Variants in USP9X observed in about 807,000 individuals in gnomAD.
USP9X encodes ubiquitin specific peptidase 9 X-linked, also known as ubiquitin carboxyl-terminal hydrolase 9X.
A neutral mutation model predicts 190.3 loss-of-function variants in USP9X; 7 were observed. The ratio of observed to expected loss-of-function variants is 0.04; its 90% CI spans 0.02 to 0.07. USP9X has a LOEUF of 0.07. USP9X is among the 10% of genes least tolerant of loss of function. The pLI is 1.00. For synonymous variants in USP9X, 645 were observed against 659.5 expected (o/e 0.98, Z 0.34); for missense variants, 1,010 against 1,916.9 (o/e 0.53, Z 8.83).
At chrX:41,093,324 G>T (rs971207425) in intron 1 of USP9X, among the ~76,000 whole-genome samples, 1 of 112,212 alleles carries the variant, frequency 8.9e-6, no homozygotes, top group African/African-American at 3.2e-5. Flanking sequence ...GTATTTGTAC[G>T]GCAGTATCTT....
At chrX:41,133,882 A>C (rs943512187) in intron 4 of USP9X, among the ~76,000 whole-genome samples, 4 of 112,675 alleles carry the variant, frequency 3.6e-5, no homozygotes, top group African/African-American at 1.3e-4. Context: ...TATTGTGAAC[A>C]GTGCTGCATC....
At chrX:41,087,552 C>T (rs1232078201) in intron 1 of USP9X, among the ~76,000 whole-genome samples, 12 of 112,648 alleles carry the variant, frequency 1.1e-4, no homozygotes, top group Non-Finnish European at 2.3e-4. Context: ...TTCGTTTTCT[C>T]AATTTTTAAA....
At chrX:41,127,272 A>T (rs752061741) in intron 2 of USP9X, among the ~76,000 whole-genome samples, 1 of 111,670 alleles carries the variant, frequency 9.0e-6, no homozygotes, top group African/African-American at 3.2e-5. Context: ...GGCCATTAAT[A>T]TTTTTTTAAG....
intron 1 of USP9X, among the ~76,000 whole-genome samples, chrX:41,112,790 A>T (rs1247863925): frequency 8.9e-6 from 1 of 112,787 alleles, no homozygotes; most frequent in Non-Finnish European, 1.9e-5. Context: ...ATTAGTTAAA[A>T]TAGTAATGTT....
chrX:41,206,627 C>G (rs150305822), intron 32 of USP9X, among the ~76,000 whole-genome samples: 16,840 of 110,206 alleles, frequency 0.15, 1,175 homozygotes, highest in East Asian at 0.41. Context: ...GAGGCTTGAT[C>G]AGATTGTGGT....
chrX:41,182,369 CAAA>C (rs1381528902), intron 21 of USP9X, among the ~76,000 whole-genome samples: 1 of 105,137 alleles, frequency 9.5e-6, no homozygotes, highest in African/African-American at 3.4e-5. Context: ...GACCCTGTCT[CAAA>C]GAAGAAAAAA....
At chrX:41,231,571 T>C (rs956688527) in intron 44 of USP9X, among the ~76,000 whole-genome samples, 3 of 109,097 alleles carry the variant, frequency 2.7e-5, no homozygotes, top group Non-Finnish European at 3.8e-5. Context: ...CTACTAAAAA[T>C]ACAAAATTAG....
intron 1 of USP9X, among the ~76,000 whole-genome samples, chrX:41,110,716 A>G (rs750156933): frequency 1.8e-5 from 2 of 112,315 alleles, no homozygotes; most frequent in East Asian, 2.8e-4. Flanking sequence ...AGGTGTGTCA[A>G]CCTGGCTGCA....
In USP9X at chrX:41,187,789, C is replaced by G. The variant is rs112338964; in HGVS notation, c.3685-203C>G. 3.7e-3 allele frequency among the ~76,000 whole-genome samples: 394 copies of G among 107,390 alleles called. 2 individuals carry two copies. Among genetic ancestry groups the G allele is most frequent in the African/African-American group, 0.012 (362 of 29,270 alleles). The allele number at this position is 107,390 out of a possible 115,157, so 93.3% of individuals were successfully genotyped here. On this transcript the variant is annotated intron_variant, in intron 24 of 44. Transcript: ENST00000378308. Reference sequence around the variant, plus strand: ...TGAGCTATGATCACACCACTGTACTCTAGACTGGGTGACAGAGCCAGAGGG... The same window carrying G: ...TGAGCTATGATCACACCACTGTACTGTAGACTGGGTGACAGAGCCAGAGGG...
chrX:41,089,805 G>A (rs1421649163), intron 1 of USP9X, among the ~76,000 whole-genome samples: 2 of 109,152 alleles, frequency 1.8e-5, no homozygotes, highest in Non-Finnish European at 3.8e-5. Context: ...CATTTATTTG[G>A]AGTTTCTGTC....
rs139093155 is a variant in USP9X, at chrX:41,089,903, G to GTTTTTTTTTTTTTT, written c.-159+3809_-159+3822dup. Among the ~76,000 whole-genome samples the GTTTTTTTTTTTTTT allele has an allele frequency of 4.9e-4, 15 of 30,356 alleles. 2 individuals carry two copies. The highest frequency in any genetic ancestry group is 7.7e-4 in the Non-Finnish European group (14 of 18,133). The allele number at this position is 30,356 out of a possible 115,157, so 26.4% of individuals were successfully genotyped here. A position where few individuals can be genotyped will look rare whatever the true frequency, so the allele number is the denominator to read the frequency against. On this transcript the variant is annotated intron_variant, in intron 1 of 44. Transcript: ENST00000378308. ...CTATAGGAGTTTAGGATCTATGAGG[G>GTTTTTTTTTTTTTT]TTTTTTTTTTTTTTTTTTTTTTTTT... is the stretch of plus-strand genomic sequence containing the variant.
At chrX:41,130,108 T>C (rs926991961) in intron 3 of USP9X, among the ~76,000 whole-genome samples, 2 of 111,992 alleles carry the variant, frequency 1.8e-5, no homozygotes, top group East Asian at 2.8e-4. Flanking sequence ...TTTACTATCA[T>C]ATATGAATTG....
At chrX:41,110,472 T>G (rs760608684) in intron 1 of USP9X, among the ~76,000 whole-genome samples, 1 of 111,680 alleles carries the variant, frequency 9.0e-6, no homozygotes, top group East Asian at 2.8e-4. Context: ...ACATTATTGA[T>G]GTATGGTGTG....
chrX:41,210,955 C>G (rs1403316066), intron 33 of USP9X, among the ~76,000 whole-genome samples: 1 of 110,257 alleles, frequency 9.1e-6, no homozygotes, highest in East Asian at 2.8e-4. Flanking sequence ...CCTTTCCTTT[C>G]CTTTCTCCTT....
chrX:41,231,318 C>G (rs2063357624), intron 44 of USP9X, among the ~76,000 whole-genome samples: 1 of 111,772 alleles, frequency 8.9e-6, no homozygotes, highest in South Asian at 3.7e-4. Flanking sequence ...GCTGGTGGTC[C>G]AGGAACCATA....
chrX:41,186,356 C>T (rs909497287), intron 23 of USP9X, among the ~76,000 whole-genome samples, 161 bp from the exon 24 acceptor site: 1 of 111,823 alleles, frequency 8.9e-6, no homozygotes, highest in Non-Finnish European at 1.9e-5. Context: ...AGAGGAAGCC[C>T]ACTTTGTTGG....
At chrX:41,101,302 A>G (rs1244114189) in intron 1 of USP9X, among the ~76,000 whole-genome samples, 1 of 110,024 alleles carries the variant, frequency 9.1e-6, no homozygotes, top group Admixed American at 9.8e-5. Context: ...GAAGCCAGCC[A>G]GGCACGGTGG....
At chrX:41,125,256 A>G (rs961457837) in intron 2 of USP9X, among the ~76,000 whole-genome samples, 37 of 109,494 alleles carry the variant, frequency 3.4e-4, no homozygotes, top group Admixed American at 8.8e-4. Context: ...TTGTATTTTT[A>G]GTAGAGATGG....
intron 31 of USP9X, 111 bp downstream of exon 31, chrX:41,201,391 AAGTT>A: frequency 1.3e-6 from 1 of 770,812 alleles, no homozygotes; most frequent in Admixed American, 2.8e-5. Flanking sequence ...GTATATTTGA[AAGTT>A]AGGGATGGGC....
Sources: gnomAD v4.1 joint callset for allele counts (sites outside exome capture counted in the v4.1 genomes callset) on GRCh38, gnomAD v4.1.1 for gene constraint, MANE v1.5 for transcripts, NCBI Gene and HGNC (gene_info 2026-07-23, HGNC 2026-07-21) for gene names.